Variants in CDON observed in about 807,000 individuals in gnomAD.
CDON encodes the protein cell adhesion molecule-related/down-regulated by oncogenes.
CDON carries 73 observed loss-of-function variants against 120.9 expected under a neutral mutation model. The ratio of observed to expected loss-of-function variants is 0.60; its 90% CI spans 0.50 to 0.73. CDON has a LOEUF of 0.73. CDON is among the 30% of genes least tolerant of loss of function. CDON has a pLI of 0.00. For missense variants in CDON, 1,470 were observed against 1,587.3 expected, an observed-to-expected ratio of 0.93 and a Z score of 1.26; for synonymous variants, 566 against 573.5, an observed-to-expected ratio of 0.99 and a Z score of 0.19.
chr11:126,003,869 C>G (rs1947033079), intron 10 of CDON, 33 bp downstream of exon 10: 3 of 1,598,046 alleles, frequency 1.9e-6, no homozygotes. Context: ...TCAGGGCAGC[C>G]AGCTCATTCC....
intron 14 of CDON, among the ~76,000 whole-genome samples, chr11:125,993,032 G>A (rs1220337252): frequency 6.6e-6 from 1 of 152,164 alleles, no homozygotes; most frequent in African/African-American, 2.4e-5. Context: ...GGGAACCTAT[G>A]CTAGAAATGC....
At chr11:126,022,862 C>T (rs891299953) in intron 2 of CDON, among the ~76,000 whole-genome samples, 3 of 152,246 alleles carry the variant, frequency 2.0e-5, no homozygotes, top group East Asian at 3.9e-4. Context: ...AAGAAATGCA[C>T]GTGAACCATG....
intron 8 of CDON, among the ~76,000 whole-genome samples, 184 bp downstream of exon 8, chr11:126,010,157 A>T (rs1947248867): frequency 6.6e-6 from 1 of 152,242 alleles, no homozygotes; most frequent in Admixed American, 6.5e-5. Context: ...TCAGAAACAG[A>T]GACCAAAATT....
At chr11:125,987,988 C>T (rs1028907001) in intron 15 of CDON, among the ~76,000 whole-genome samples, 5 of 152,162 alleles carry the variant, frequency 3.3e-5, no homozygotes, top group East Asian at 1.9e-4. Flanking sequence ...TTTTTAAAAA[C>T]GTACTTTTTC....
chr11:126,010,688 C>A lies in CDON; in HGVS notation c.1205G>T (p.Gly402Val). 6.2e-7 allele frequency: 1 copy of A among 1,613,460 alleles called. No individual in the cohort carries two copies. The highest frequency in any genetic ancestry group is 1.1e-5 in the South Asian group (1 of 91,014). Residue 402 changes from glycine (G) to valine (V), a missense_variant, in exon 8 of 20, where the codon GGA becomes GTA. Coordinates refer to ENST00000531738, the MANE Select transcript of CDON (RefSeq NM_001378964.1). ...TGRLEIENDGGFKPVIITAPV... is the reference protein window; with the variant it reads ...TGRLEIENDGVFKPVIITAPV... ...TGCCGTAATTATAACTGGCTTGAAT[C>A]CACCGTCTATTAAAAAAGTAATTCA...
intron 1 of CDON, among the ~76,000 whole-genome samples, chr11:126,049,081 ATT>A (rs1948488141): frequency 6.6e-6 from 1 of 152,202 alleles, no homozygotes. Context: ...AAAAATTATT[ATT>A]TTTAAGCCAT....
chr11:126,042,146 A>G (rs1591422565), intron 1 of CDON, among the ~76,000 whole-genome samples: 1 of 152,130 alleles, frequency 6.6e-6, no homozygotes, highest in East Asian at 1.9e-4. Context: ...GGCCTCCCAA[A>G]GTGCTGGGAT....
chr11:125,994,959 G>T lies in CDON; in HGVS notation c.2456C>A (p.Pro819His). 6.2e-7 allele frequency: 1 copy of T among 1,614,078 alleles called. No individual in the cohort carries two copies. The highest frequency in any genetic ancestry group is 8.5e-7 in the Non-Finnish European group (1 of 1,179,956). The change falls in exon 13 of 20, where the codon CCC becomes CAC. Residue 819 changes from proline (P) to histidine (H), a missense_variant. Coordinates refer to ENST00000531738, the MANE Select transcript of CDON (RefSeq NM_001378964.1). Reference protein sequence around the residue: ...ASRPYQVVGFPNRFSSRPITG... With the variant: ...ASRPYQVVGFHNRFSSRPITG... ...TATTGGACGGCTGGAAAAGCGATTG[G>T]GGAACCCAACCACTTGATAAGGACG...
rs1172026087 is a variant in CDON at position 126,021,524 on chromosome 11, C to G, written c.77-4G>C. 1.2e-6 allele frequency: 2 copies of G among 1,613,416 alleles called. No individual in the cohort carries two copies. Among genetic ancestry groups the G allele is most frequent in the East Asian group, 2.2e-5 (1 of 44,844 alleles). On this transcript the variant is annotated splice_polypyrimidine_tract_variant and splice_region_variant and intron_variant, in intron 2 of 19. Coordinates refer to ENST00000531738, the MANE Select transcript of CDON (RefSeq NM_001378964.1). ...GAAGTAAAATAAGGTGCCAAGTCTACAAGGGAATATTCCCCATATGCAAAG... is the reference window on the plus strand; with the variant it reads ...GAAGTAAAATAAGGTGCCAAGTCTAGAAGGGAATATTCCCCATATGCAAAG...
At chr11:126,028,329 T>A (rs1320845341) in intron 1 of CDON, among the ~76,000 whole-genome samples, 1 of 152,088 alleles carries the variant, frequency 6.6e-6, no homozygotes, top group Non-Finnish European at 1.5e-5. Flanking sequence ...GGGTTTTAAA[T>A]GCTTTAATTT....
intron 1 of CDON, among the ~76,000 whole-genome samples, chr11:126,027,147 C>T (rs1410038020): frequency 6.6e-6 from 1 of 152,172 alleles, no homozygotes; most frequent in Non-Finnish European, 1.5e-5. Flanking sequence ...ATTTACTAAA[C>T]ACGTGTTGGC....
intron 1 of CDON, among the ~76,000 whole-genome samples, chr11:126,042,646 G>A (rs1682628275): frequency 6.6e-6 from 1 of 152,114 alleles, no homozygotes; most frequent in African/African-American, 2.4e-5. Flanking sequence ...TTTGAGACGG[G>A]AGTCTCGCTC....
chr11:126,056,649 A>G (rs924725382), intron 1 of CDON, among the ~76,000 whole-genome samples: 1 of 152,242 alleles, frequency 6.6e-6, no homozygotes, highest in Non-Finnish European at 1.5e-5. Flanking sequence ...GATTTCATCT[A>G]CTGAATCATC....
At chr11:126,063,059 C>G (rs1331775396), upstream of CDON, among the ~76,000 whole-genome samples, 1 of 151,794 alleles carries the variant, frequency 6.6e-6, no homozygotes, top group Non-Finnish European at 1.5e-5. Context: ...CGCAGCCTGC[C>G]AGATCAGCGG....
chr11:126,006,153 G>C (rs748653268), intron 8 of CDON, 96 bp from the exon 9 acceptor site: 3 of 1,138,346 alleles, frequency 2.6e-6, no homozygotes, highest in Non-Finnish European at 3.9e-6. Context: ...TGTATTGTTA[G>C]CACAATTTGA....
chr11:126,019,585 G>A, intron 4 of CDON, 34 bp downstream of exon 4: 1 of 1,612,358 alleles, frequency 6.2e-7, no homozygotes, highest in Non-Finnish European at 8.5e-7. Context: ...CATTTGTTCT[G>A]TGTGTGCCAC....
chr11:125,961,680 C>A (rs748343127), intron 19 of CDON, 44 bp downstream of exon 19: 2 of 1,613,568 alleles, frequency 1.2e-6, no homozygotes, highest in South Asian at 1.1e-5. Context: ...TCTTAGCTAA[C>A]TGAAGATGAT....
intron 17 of CDON, among the ~76,000 whole-genome samples, chr11:125,978,905 A>G (rs1438867799): frequency 6.6e-6 from 1 of 152,084 alleles, no homozygotes; most frequent in Non-Finnish European, 1.5e-5. Flanking sequence ...AGCATGCTAT[A>G]TTTTTCCAGA....
chr11:126,016,472 G>A (rs987629743), intron 6 of CDON, among the ~76,000 whole-genome samples: 21 of 151,996 alleles, frequency 1.4e-4, no homozygotes, highest in African/African-American at 4.4e-4. Flanking sequence ...TGGCTCTGTC[G>A]CCCAGACTGG....
Sources: gnomAD v4.1 joint callset for allele counts (sites outside exome capture counted in the v4.1 genomes callset) on GRCh38, gnomAD v4.1.1 for gene constraint, MANE v1.5 for transcripts, NCBI Gene and HGNC (gene_info 2026-07-23, HGNC 2026-07-21) for gene names.